The following RAB3A variants were observed in gnomAD, a reference collection of about 807,000 sequenced individuals.
RAB3A encodes the protein RAB3A, member RAS oncogene family.
In RAB3A, 5 loss-of-function variants were observed where a neutral mutation model predicts 19.7. The ratio of observed to expected loss-of-function variants is 0.25; its 90% CI spans 0.13 to 0.53. RAB3A has a LOEUF of 0.53. Among genes scored for constraint, RAB3A ranks in the 20% least tolerant of loss-of-function variants. RAB3A has a pLI of 0.95. For synonymous variants in RAB3A, 119 were observed against 122.1 expected (o/e 0.97, Z 0.17); for missense variants, 189 against 305.6 (o/e 0.62, Z 2.85).
chr19:18,200,726 G>A (rs1967597064), intron 2 of RAB3A, among the ~76,000 whole-genome samples: 1 of 152,098 alleles, frequency 6.6e-6, no homozygotes, highest in South Asian at 2.1e-4. Context: ...CTTGAACCCA[G>A]GAGTTCCAGA....
Position 18,202,759 on chromosome 19 carries a change from G to A in RAB3A, c.1-19C>T, listed in dbSNP as rs574068897. 6.2e-7 allele frequency: 1 copy of A among 1,603,208 alleles called. No homozygotes were observed. The highest frequency in any genetic ancestry group is 1.3e-5 in the African/African-American group (1 of 74,876). On this transcript the variant is annotated intron_variant, in intron 1 of 4. Coordinates refer to ENST00000222256, the MANE Select transcript of RAB3A (RefSeq NM_002866.5). This position sits in a 1 kb window ranked among gnomAD's most constrained non-coding sequence, Gnocchi z 4.2. ...ATGCCATCTGGGGATACCGGGTGTA[G>A]CAGAGCCGTGAGGGGGGCTCTCTCC...
Position 18,203,294 on chromosome 19 carries a change from G to A in RAB3A, c.1-554C>T, listed in dbSNP as rs571847493. 5.3e-5 allele frequency among the ~76,000 whole-genome samples: 8 copies of A among 152,308 alleles called. No homozygotes were observed. In the South Asian group the frequency reaches 1.4e-3, roughly 28 times the overall value. On this transcript the variant is annotated intron_variant, in intron 1 of 4. Transcript: ENST00000222256. The stretch of plus-strand genomic sequence containing the variant: ...TCCGTACATACAGGAGTGTGTGAAC[G>A]CACTGAGGTGCACAGGACAAAGACA...
chr19:18,202,446 T>G lies in RAB3A; in HGVS notation c.228+67A>C. 7.1e-7 allele frequency: 1 copy of G among 1,402,392 alleles called. No individual in the cohort carries two copies. Among genetic ancestry groups the G allele is most frequent in the Non-Finnish European group, 1.0e-6 (1 of 996,114 alleles). 86.9% of individuals were successfully genotyped at this position (1,402,392 alleles called of 1,614,324 possible). A position where few individuals can be genotyped will look rare whatever the true frequency, so the allele number is the denominator to read the frequency against. ...CCAGTCAGGAAAGAGATAGACGAGGTTGGGGCTGCTTTTCCAAGTACGGGA... is the reference window on the plus strand; with the variant it reads ...CCAGTCAGGAAAGAGATAGACGAGGGTGGGGCTGCTTTTCCAAGTACGGGA... On this transcript the variant is annotated intron_variant, in intron 2 of 4. Coordinates refer to ENST00000222256, the MANE Select transcript of RAB3A (RefSeq NM_002866.5). This position sits in a 1 kb window ranked among gnomAD's most constrained non-coding sequence, Gnocchi z 4.2.
At chr19:18,203,700 G>C (rs1186163454) in intron 1 of RAB3A, among the ~76,000 whole-genome samples, 196 bp downstream of exon 1, 1 of 152,226 alleles carries the variant, frequency 6.6e-6, no homozygotes, top group Admixed American at 6.5e-5. Context: ...GAGCAGGGGG[G>C]TTGGGGGGGT....
At position 18,202,864 on chromosome 19, in the gene RAB3A, A is replaced by T. The variant is rs910732881; in HGVS notation, c.1-124T>A. On this transcript the variant is annotated intron_variant, in intron 1 of 4. Coordinates refer to ENST00000222256, the MANE Select transcript of RAB3A (RefSeq NM_002866.5). This position sits in a 1 kb window ranked among gnomAD's most constrained non-coding sequence, Gnocchi z 4.2. ...GGTGTATGGAGGACACCCTTATCCC[A>T]TCAGGAGCCCCAGTATTAATTGGTG... 2 of 695,444 alleles carry T rather than the reference A, an allele frequency of 2.9e-6. No homozygotes were observed. The highest frequency in any genetic ancestry group is 2.5e-6 in the Non-Finnish European group (1 of 401,190). The allele number at this position is 695,444 out of a possible 1,614,324, so 43.1% of individuals were successfully genotyped here. A position where few individuals can be genotyped will look rare whatever the true frequency, so the allele number is the denominator to read the frequency against.
chr19:18,200,073 G>A (rs1251839127), intron 3 of RAB3A, among the ~76,000 whole-genome samples: 1 of 152,102 alleles, frequency 6.6e-6, no homozygotes, highest in Non-Finnish European at 1.5e-5. Context: ...TTGAGCCAAG[G>A]AGTTCAAGAC....
intron 4 of RAB3A, among the ~76,000 whole-genome samples, chr19:18,198,258 G>A (rs117329793): frequency 0.013 from 1,994 of 152,112 alleles, 15 homozygotes; most frequent in Non-Finnish European, 0.02. Context: ...CTCTGTGATC[G>A]GCCACATTTC....
Position 18,202,368 on chromosome 19 carries a change from C to T in RAB3A, c.228+145G>A, listed in dbSNP as rs891971368. On this transcript the variant is annotated intron_variant, in intron 2 of 4. Coordinates refer to ENST00000222256, the MANE Select transcript of RAB3A (RefSeq NM_002866.5). This position sits in a 1 kb window ranked among gnomAD's most constrained non-coding sequence, Gnocchi z 4.2. ...GAGAACACAGGTGCTGTTTCTGCCC[C>T]GGTACACAGTGGGCACCTTACTGAT... 7 of 692,130 alleles carry T rather than the reference C, an allele frequency of 1.0e-5. No homozygotes were observed. The highest frequency in any genetic ancestry group is 5.4e-5 in the African/African-American group (3 of 55,880). 42.9% of individuals were successfully genotyped at this position (692,130 alleles called of 1,614,324 possible).
chr19:18,197,731 A>C, intron 4 of RAB3A, 71 bp from the exon 5 acceptor site: 1 of 1,343,710 alleles, frequency 7.4e-7, no homozygotes, highest in South Asian at 1.4e-5. Context: ...TGCTTCTCTG[A>C]GGAAAGGGAA....
Position 18,197,430 on chromosome 19 carries a change from G to T in RAB3A, c.*40C>A. On this transcript the variant is annotated 3_prime_UTR_variant, in exon 5 of 5. Transcript: ENST00000222256. Reference sequence around the variant, plus strand: ...CAGGCCCGGGTAGTTGGGGGAAGGTGGGGAAGACAGGGAAGAGGGGAAAGG... The same window carrying T: ...CAGGCCCGGGTAGTTGGGGGAAGGTTGGGAAGACAGGGAAGAGGGGAAAGG... The T allele has an allele frequency of 6.3e-7, 1 of 1,581,870 alleles. No individual in the cohort carries two copies. The highest frequency in any genetic ancestry group is 1.1e-5 in the South Asian group (1 of 88,854).
intron 3 of RAB3A, among the ~76,000 whole-genome samples, chr19:18,199,556 G>C (rs1331296199): frequency 6.8e-6 from 1 of 147,410 alleles, no homozygotes. Flanking sequence ...ACAGAGTTTT[G>C]CTCTTGTTGC....
In RAB3A at chr19:18,200,004, GA is replaced by G. The variant is rs568203642; in HGVS notation, c.347+322del. Among the ~76,000 whole-genome samples the G allele has an allele frequency of 5.8e-4, 89 of 152,296 alleles. 1 individual carries two copies. The highest frequency in any genetic ancestry group is 6.8e-3 in the Middle Eastern group (2 of 294). On this transcript the variant is annotated intron_variant, in intron 3 of 4. Transcript: ENST00000222256. ...GCCCCAGAATGAGTGTGGAAGGCCA[GA>G]AGCGATGGCTCACGCCTGTAATCCC...
In RAB3A at chr19:18,198,821, C is replaced by T; in HGVS notation, c.376G>A (p.Asp126Asn). 6.2e-7 allele frequency: 1 copy of T among 1,614,124 alleles called. No individual in the cohort carries two copies. Among genetic ancestry groups the T allele is most frequent in the Middle Eastern group, 1.6e-4 (1 of 6,062 alleles). ...WSTQIKTYSWDNAQVLLVGNK... is the reference protein window; with the variant it reads ...WSTQIKTYSWNNAQVLLVGNK... ...CCTACCAGCAGCACCTGGGCATTGT[C>T]CCATGAGTAGGTCTTGATCTGGGTG... The change falls in exon 4 of 5, where the codon GAC (aspartate) becomes AAC (asparagine). Residue 126 changes from aspartate to asparagine, a missense_variant. Physicochemically the swap from Asp to Asn is conservative, Grantham distance 23. Transcript: ENST00000222256.
chr19:18,198,659 G>T, intron 4 of RAB3A, 66 bp downstream of exon 4: 2 of 1,594,086 alleles, frequency 1.3e-6, no homozygotes, highest in Non-Finnish European at 8.6e-7. Flanking sequence ...CCTTGGGTGT[G>T]TGCCCTCCCC....
chr19:18,197,873 CTTTTTTTTTT>C (rs56264905), intron 4 of RAB3A, among the ~76,000 whole-genome samples: 1 of 90,160 alleles, frequency 1.1e-5, no homozygotes. Context: ...GCATTTCCTG[CTTTTTTTTTT>C]TTTTTTTTTT....
chr19:18,202,143 G>A lies in RAB3A; in HGVS notation c.228+370C>T, dbSNP rs759291633. Among the ~76,000 whole-genome samples, 8 of 152,218 alleles carry A rather than the reference G, an allele frequency of 5.3e-5. No individual in the cohort carries two copies. The highest frequency in any genetic ancestry group is 1.2e-4 in the Non-Finnish European group (8 of 68,030). ...AGCTACTCAGGAGGCTCAGGTGGAAGAATGGTTTGAGCCTGGGAAGTCGAG... is the reference window on the plus strand; with the variant it reads ...AGCTACTCAGGAGGCTCAGGTGGAAAAATGGTTTGAGCCTGGGAAGTCGAG... On this transcript the variant is annotated intron_variant, in intron 2 of 4. Transcript: ENST00000222256. This position sits in a 1 kb window ranked among gnomAD's most constrained non-coding sequence, Gnocchi z 4.2.
Position 18,202,020 on chromosome 19 carries a change from C to T in RAB3A, c.228+493G>A, listed in dbSNP as rs1967620472. 6.6e-6 allele frequency among the ~76,000 whole-genome samples: 1 copy of T among 151,994 alleles called. No individual in the cohort carries two copies. Among genetic ancestry groups the T allele is most frequent in the African/African-American group, 2.4e-5 (1 of 41,382 alleles). ...GGCTGAGGTGGGAGGATCGCTTGAG[C>T]CCAGGAGTTCAAGACCAGCCTGGGC... On this transcript the variant is annotated intron_variant, in intron 2 of 4. Transcript: ENST00000222256. The surrounding 1 kb of genome is among the most constrained non-coding windows in gnomAD (Gnocchi z 4.2).
chr19:18,197,302 G>A lies in RAB3A; in HGVS notation c.*168C>T. 1 of 665,022 alleles carries A rather than the reference G, an allele frequency of 1.5e-6. No individual in the cohort carries two copies. Among genetic ancestry groups the A allele is most frequent in the Non-Finnish European group, 2.5e-6 (1 of 407,746 alleles). The allele number at this position is 665,022 out of a possible 1,614,324, so 41.2% of individuals were successfully genotyped here. The stretch of plus-strand genomic sequence containing the variant: ...GCGGGCAGGGGAGCCTGGGCCCCTG[G>A]GGGACATCTTCAATAAATAAATAAA... On this transcript the variant is annotated 3_prime_UTR_variant, in exon 5 of 5. Coordinates refer to ENST00000222256, the MANE Select transcript of RAB3A (RefSeq NM_002866.5).
rs1182872950 is a variant in RAB3A, at chr19:18,198,187, C to A, written c.473-527G>T. 2.0e-5 allele frequency among the ~76,000 whole-genome samples: 3 copies of A among 152,146 alleles called. No homozygotes were observed. In the East Asian group the frequency reaches 5.8e-4, roughly 29 times the overall value. On this transcript the variant is annotated intron_variant, in intron 4 of 4. Transcript: ENST00000222256. ...GCTGTGACCTCCCCCTGCTCACACA[C>A]CCTCTGTGACTCCCTATTGCCCTCC...
Sources: gnomAD v4.1 joint callset for allele counts (sites outside exome capture counted in the v4.1 genomes callset) on GRCh38, gnomAD v4.1.1 for gene constraint, Gnocchi (gnomAD v3.1) non-coding constraint, MANE v1.5 for transcripts, NCBI Gene and HGNC (gene_info 2026-07-23, HGNC 2026-07-21) for gene names.